Variants in NFATC1 observed in about 807,000 individuals in gnomAD.
NFATC1 encodes the protein nuclear factor of activated T cells 1, also known as nuclear factor of activated T-cells, cytoplasmic 1.
In NFATC1, 22 loss-of-function variants were observed where a neutral mutation model predicts 76.0. The observed-to-expected ratio is 0.29, with a 90% CI of 0.21 to 0.41. The LOEUF (loss-of-function observed/expected upper bound fraction) is 0.41, where lower values mean the gene tolerates loss of function less well. NFATC1 is among the 10% of genes least tolerant of loss of function. NFATC1 has a pLI of 1.00. For missense variants in NFATC1, 1,357 were observed against 1,337.7 expected, an observed-to-expected ratio of 1.01 and a Z score of -0.23; for synonymous variants, 704 against 613.1, an observed-to-expected ratio of 1.15 and a Z score of -2.19.
At chr18:79,455,477 C>T (rs1335019505) in intron 6 of NFATC1, among the ~76,000 whole-genome samples, 1 of 152,182 alleles carries the variant, frequency 6.6e-6, no homozygotes, top group Admixed American at 6.5e-5. Context: ...GCCGGGGCTC[C>T]CGGGAAGCAG....
At chr18:79,434,158 G>C (rs935558472) in intron 3 of NFATC1, among the ~76,000 whole-genome samples, 5 of 152,252 alleles carry the variant, frequency 3.3e-5, no homozygotes, top group Admixed American at 6.5e-5. Flanking sequence ...CTCTGGGCTT[G>C]GGTGCTGGGG....
In NFATC1 at chr18:79,528,127, C is replaced by CA. The variant is rs1309842290; in HGVS notation, c.*551dup. 2 of 397,416 alleles carry CA rather than the reference C, an allele frequency of 5.0e-6. No homozygotes were observed. Among genetic ancestry groups the CA allele is most frequent in the Admixed American group, 8.6e-5 (2 of 23,126 alleles). 24.6% of individuals were successfully genotyped at this position (397,416 alleles called of 1,614,324 possible). On this transcript the variant is annotated 3_prime_UTR_variant, in exon 10 of 10. Coordinates refer to ENST00000427363, the MANE Select transcript of NFATC1 (RefSeq NM_001278669.2). ...ACATTTGGAACGTTTCCTGGGCTGT[C>CA]ACGTACACTCCTGCTGCCTTACACA... is the stretch of plus-strand genomic sequence containing the variant.
Position 79,527,607 on chromosome 18 carries a change from G to C in NFATC1, c.*30G>C, listed in dbSNP as rs767069523. 12 of 1,601,736 alleles carry C rather than the reference G, an allele frequency of 7.5e-6. No individual in the cohort carries two copies. In the Admixed American group the frequency reaches 1.7e-4, roughly 22 times the overall value. ...CACATTGGAGCACTCAGTTCAGCAG[G>C]GGTATGCTGACTTCAGCAGACAAAG... On this transcript the variant is annotated 3_prime_UTR_variant, in exon 10 of 10. Coordinates refer to ENST00000427363, the MANE Select transcript of NFATC1 (RefSeq NM_001278669.2).
intron 9 of NFATC1, among the ~76,000 whole-genome samples, chr18:79,510,136 C>G (rs563635811): frequency 7.9e-5 from 12 of 152,200 alleles, no homozygotes; most frequent in Non-Finnish European, 1.2e-4. Flanking sequence ...ATAGCCCCCC[C>G]CAAGGAGGAA....
chr18:79,424,203 G>A (rs538268221), intron 2 of NFATC1, among the ~76,000 whole-genome samples: 3 of 152,186 alleles, frequency 2.0e-5, no homozygotes, highest in Admixed American at 6.5e-5. Context: ...CACAGATGCC[G>A]CCGCACTATC....
chr18:79,439,908 C>G (rs1482793844), intron 3 of NFATC1, among the ~76,000 whole-genome samples: 1 of 152,190 alleles, frequency 6.6e-6, no homozygotes, highest in Non-Finnish European at 1.5e-5. Context: ...CCCAGCCAGT[C>G]ACTGCTTAAA....
intron 9 of NFATC1, 32 bp downstream of exon 9, chr18:79,486,969 C>A (rs1329628307): frequency 6.4e-7 from 1 of 1,556,394 alleles, no homozygotes; most frequent in South Asian, 1.2e-5. Context: ...GGTGTGTGCC[C>A]CGCCTGGCGC....
At chr18:79,413,998 C>G (rs867192997) in intron 2 of NFATC1, among the ~76,000 whole-genome samples, 1 of 152,200 alleles carries the variant, frequency 6.6e-6, no homozygotes, top group African/African-American at 2.4e-5. Context: ...GTCCCAAACT[C>G]GCTCCTGGGG....
At chr18:79,488,855 T>C (rs952092327) in intron 9 of NFATC1, among the ~76,000 whole-genome samples, 1 of 152,136 alleles carries the variant, frequency 6.6e-6, no homozygotes, top group Non-Finnish European at 1.5e-5. Context: ...CACAATTGGG[T>C]AGTGCCCTGC....
At chr18:79,476,249 G>T (rs983693193) in intron 8 of NFATC1, among the ~76,000 whole-genome samples, 1 of 152,230 alleles carries the variant, frequency 6.6e-6, no homozygotes, top group Non-Finnish European at 1.5e-5. Flanking sequence ...AGCCGCCTCC[G>T]GGCGGCGTCG....
chr18:79,450,255 T>C (rs9962247), intron 4 of NFATC1, among the ~76,000 whole-genome samples: 51,407 of 152,056 alleles, frequency 0.34, 11,708 homozygotes, highest in African/African-American at 0.65. Context: ...TGAGAATGTA[T>C]ACATGGAATG....
chr18:79,453,941 A>T (rs2087581893), intron 6 of NFATC1, among the ~76,000 whole-genome samples: 2 of 152,240 alleles, frequency 1.3e-5, no homozygotes, highest in African/African-American at 4.8e-5. Flanking sequence ...GTGCAGTGAC[A>T]GGTTGGTGCA....
chr18:79,404,469 G>A (rs1384933736), intron 1 of NFATC1, among the ~76,000 whole-genome samples: 3 of 151,316 alleles, frequency 2.0e-5, no homozygotes, highest in East Asian at 3.9e-4. Context: ...AGGTCTTGGC[G>A]TGGATCGCCC....
At chr18:79,420,574 C>T (rs1568938062) in intron 2 of NFATC1, among the ~76,000 whole-genome samples, 1 of 150,788 alleles carries the variant, frequency 6.6e-6, no homozygotes, top group Non-Finnish European at 1.5e-5. Context: ...GACATCGCTA[C>T]AGACAGGAAG....
At chr18:79,416,139 C>T (rs1185877082) in intron 2 of NFATC1, among the ~76,000 whole-genome samples, 1 of 152,246 alleles carries the variant, frequency 6.6e-6, no homozygotes, top group Non-Finnish European at 1.5e-5. Flanking sequence ...GCATATCGGT[C>T]ACTTTTCTGC....
At position 79,411,001 on chromosome 18, in the gene NFATC1, C is replaced by A; in HGVS notation, c.726C>A (p.Pro242=). The part of the protein sequence containing the change: ...GSPRHSPSTS[P]RASVTEESWL... ...CGCGGCACTCCCCCTCCACCTCGCCCCGCGCCAGCGTCACTGAGGAGAGCT... is the reference window on the plus strand; with the variant it reads ...CGCGGCACTCCCCCTCCACCTCGCCACGCGCCAGCGTCACTGAGGAGAGCT... Residue 242 remains proline (P), a synonymous_variant, in exon 2 of 10, where the codon CCC becomes CCA. Coordinates refer to ENST00000427363, the MANE Select transcript of NFATC1 (RefSeq NM_001278669.2). 1.2e-6 allele frequency: 2 copies of A among 1,609,840 alleles called. No individual in the cohort carries two copies. The highest frequency in any genetic ancestry group is 1.7e-6 in the Non-Finnish European group (2 of 1,178,474).
intron 8 of NFATC1, among the ~76,000 whole-genome samples, chr18:79,482,388 C>A (rs1255333082): frequency 7.2e-5 from 8 of 111,284 alleles, no homozygotes; most frequent in East Asian, 3.1e-4. Context: ...CCTGGGGTGT[C>A]ACTCCAGCAT....
intron 9 of NFATC1, among the ~76,000 whole-genome samples, chr18:79,491,571 C>T (rs1425633714): frequency 2.0e-5 from 3 of 152,202 alleles, no homozygotes; most frequent in East Asian, 3.8e-4. Context: ...TGGCCAGCCC[C>T]GAGCCCCGTG....
intron 6 of NFATC1, among the ~76,000 whole-genome samples, chr18:79,456,076 G>C (rs2087709867): frequency 1.3e-5 from 2 of 152,198 alleles, no homozygotes; most frequent in African/African-American, 4.8e-5. Flanking sequence ...ACTTCCACAA[G>C]CTCTGACAGG....
Sources: gnomAD v4.1 joint callset for allele counts (sites outside exome capture counted in the v4.1 genomes callset) on GRCh38, gnomAD v4.1.1 for gene constraint, MANE v1.5 for transcripts, NCBI Gene and HGNC (gene_info 2026-07-23, HGNC 2026-07-21) for gene names.